Variants in LMNTD1 observed in about 807,000 individuals in gnomAD.
The protein encoded by LMNTD1 is lamin tail domain-containing protein 1.
Under a neutral mutation model 50.9 loss-of-function variants are expected in LMNTD1, and 35 were observed. The ratio of observed to expected loss-of-function variants is 0.69; its 90% CI spans 0.53 to 0.91. The LOEUF (loss-of-function observed/expected upper bound fraction) is 0.91, where lower values mean the gene tolerates loss of function less well. Among genes scored for constraint, LMNTD1 ranks in the 40% least tolerant of loss-of-function variants. LMNTD1 has a pLI of 0.00. For synonymous variants in LMNTD1, 153 were observed against 161.9 expected (o/e 0.94, Z 0.42); for missense variants, 470 against 475.5 (o/e 0.99, Z 0.11).
At chr12:25,613,726 T>G (rs928600161) in intron 1 of LMNTD1, among the ~76,000 whole-genome samples, 2 of 152,138 alleles carry the variant, frequency 1.3e-5, no homozygotes, top group Non-Finnish European at 2.9e-5. Context: ...ATATTTAATA[T>G]CAATAGAATC....
chr12:25,532,405 T>A (rs983280033), intron 4 of LMNTD1, among the ~76,000 whole-genome samples: 10 of 151,888 alleles, frequency 6.6e-5, no homozygotes, highest in African/African-American at 2.2e-4. Context: ...TGACCCTCCA[T>A]TTTTTTTATA....
Position 25,496,071 on chromosome 12 carries a change from T to C in LMNTD1, c.*22+7667A>G, listed in dbSNP as rs74070504. 2.7e-3 allele frequency among the ~76,000 whole-genome samples: 405 copies of C among 152,272 alleles called. 6 individuals carry two copies. Among genetic ancestry groups the C allele is most frequent in the African/African-American group, 9.4e-3 (391 of 41,554 alleles). On this transcript the variant is annotated intron_variant, in intron 9 of 9. Coordinates refer to ENST00000458174, the MANE Select transcript of LMNTD1 (RefSeq NM_001145728.2). The stretch of plus-strand genomic sequence containing the variant: ...CAAAAATAAGGAAAACCCTTTGAGC[T>C]GAAACATGTTTTGGATCCAGGAAAC...
intron 4 of LMNTD1, among the ~76,000 whole-genome samples, chr12:25,528,569 A>G (rs2136103717): frequency 6.6e-6 from 1 of 152,308 alleles, no homozygotes; most frequent in East Asian, 1.9e-4. Flanking sequence ...GCCATCCTTC[A>G]ACAATATCTC....
At chr12:25,526,403 GAA>G (rs1230374599) in intron 5 of LMNTD1, among the ~76,000 whole-genome samples, 185 bp from the exon 6 acceptor site, 1 of 151,676 alleles carries the variant, frequency 6.6e-6, no homozygotes, top group Non-Finnish European at 1.5e-5. Context: ...GAAAAAACGA[GAA>G]AGAGAGGACC....
intron 4 of LMNTD1, among the ~76,000 whole-genome samples, chr12:25,543,023 C>G (rs1943199096): frequency 6.6e-6 from 1 of 151,816 alleles, no homozygotes; most frequent in South Asian, 2.1e-4. Context: ...AATTGGACAA[C>G]TTAGATAAAA....
At chr12:25,617,797 G>C (rs1311545568) in intron 1 of LMNTD1, among the ~76,000 whole-genome samples, 1 of 152,204 alleles carries the variant, frequency 6.6e-6, no homozygotes, top group Non-Finnish European at 1.5e-5. Context: ...TTGATTGATG[G>C]TGTGTGAGGC....
chr12:25,535,593 C>T (rs1336495002), intron 4 of LMNTD1, among the ~76,000 whole-genome samples: 1 of 151,490 alleles, frequency 6.6e-6, no homozygotes, highest in Non-Finnish European at 1.5e-5. Flanking sequence ...GGAGCAAATA[C>T]AAAAATGAAA....
At chr12:25,596,357 A>AT (rs1442443598) in intron 1 of LMNTD1, among the ~76,000 whole-genome samples, 1 of 152,174 alleles carries the variant, frequency 6.6e-6, no homozygotes. Context: ...CCAACAACAT[A>AT]TCAAAAAGAT....
chr12:25,643,473 A>G (rs774077998), intron 1 of LMNTD1, among the ~76,000 whole-genome samples: 14 of 152,240 alleles, frequency 9.2e-5, no homozygotes, highest in Admixed American at 8.5e-4. Context: ...AATAGAATAT[A>G]GGATAAACAA....
intron 9 of LMNTD1, among the ~76,000 whole-genome samples, chr12:25,478,877 A>AGTT (rs1938354814): frequency 6.8e-6 from 1 of 147,452 alleles, no homozygotes; most frequent in African/African-American, 2.5e-5. Flanking sequence ...GCAGGTCATG[A>AGTT]TTTTTTTTTT....
chr12:25,575,609 C>A (rs1003634574), intron 1 of LMNTD1, among the ~76,000 whole-genome samples: 1 of 152,142 alleles, frequency 6.6e-6, no homozygotes, highest in Non-Finnish European at 1.5e-5. Context: ...TAAAAACAAA[C>A]CTCTGCTTCT....
chr12:25,494,394 T>G (rs913782282), intron 9 of LMNTD1, among the ~76,000 whole-genome samples: 18 of 151,480 alleles, frequency 1.2e-4, no homozygotes, highest in Non-Finnish European at 2.7e-4. Flanking sequence ...TCCAAAAGTT[T>G]TACATTTTTT....
chr12:25,528,136 A>T (rs1941946827), intron 4 of LMNTD1, among the ~76,000 whole-genome samples: 2 of 152,146 alleles, frequency 1.3e-5, no homozygotes, highest in African/African-American at 4.8e-5. Context: ...TATAATTCTC[A>T]CAATAACATA....
intron 1 of LMNTD1, among the ~76,000 whole-genome samples, chr12:25,627,969 A>G (rs1430624834): frequency 6.6e-6 from 1 of 151,204 alleles, no homozygotes; most frequent in Non-Finnish European, 1.5e-5. Context: ...TTAGCCGGGC[A>G]TGGTGGCGCG....
chr12:25,480,710 C>T (rs892733152), intron 9 of LMNTD1, among the ~76,000 whole-genome samples: 1 of 152,180 alleles, frequency 6.6e-6, no homozygotes, highest in Non-Finnish European at 1.5e-5. Flanking sequence ...TTATCTGCTT[C>T]TAACAAGGCA....
chr12:25,520,002 C>G lies in LMNTD1; in HGVS notation c.872G>C (p.Arg291Thr), dbSNP rs1941169071. Reference protein sequence around the residue: ...EKLDADVEFNRCSVVSPTFRK... With the variant: ...EKLDADVEFNTCSVVSPTFRK... ...GAATGTTGGAGATACTACTGAACATCTGTTAAATTCAACGTCAGCATCTAA... is the reference window on the plus strand; with the variant it reads ...GAATGTTGGAGATACTACTGAACATGTGTTAAATTCAACGTCAGCATCTAA... The change falls in exon 7 of 10, where the codon AGA (arginine) becomes ACA (threonine). Residue 291 changes from arginine (R) to threonine (T), a missense_variant. By Grantham distance (71) the Arg-to-Thr change is moderately conservative. Coordinates refer to ENST00000458174, the MANE Select transcript of LMNTD1 (RefSeq NM_001145728.2). 1 of 1,613,572 alleles carries G rather than the reference C, an allele frequency of 6.2e-7. No homozygotes were observed. Among genetic ancestry groups the G allele is most frequent in the African/African-American group, 1.3e-5 (1 of 74,824 alleles).
Position 25,619,250 on chromosome 12 carries a change from C to CTATATATA in LMNTD1, c.58+29243_58+29244insTATATATA, listed in dbSNP as rs1185194793. On this transcript the variant is annotated intron_variant, in intron 1 of 7. Transcript: ENST00000445693. ...TCTCTCTCTCTCTCTCTCTCTCTCT[C>CTATATATA]TCTATATATATATATATATATATAT... Among the ~76,000 whole-genome samples the CTATATATA allele has an allele frequency of 1.1e-4, 9 of 79,414 alleles. No individual in the cohort carries two copies. The East Asian group carries it at 2.2e-3, about 19-fold the overall frequency. The allele number at this position is 79,414 out of a possible 152,430, so 52.1% of individuals were successfully genotyped here.
chr12:25,593,293 C>T (rs1270178796), intron 1 of LMNTD1, among the ~76,000 whole-genome samples: 1 of 152,162 alleles, frequency 6.6e-6, no homozygotes, highest in Non-Finnish European at 1.5e-5. Context: ...GCCAAGGACC[C>T]TTACAGAGCA....
intron 7 of LMNTD1, among the ~76,000 whole-genome samples, chr12:25,519,586 T>TTAAAAAAAAAAAAAAAAAAAAA (rs781742784): frequency 2.7e-5 from 2 of 74,956 alleles, no homozygotes; most frequent in Non-Finnish European, 4.6e-5. Context: ...AGACTCTGTC[T>TTAAAAAAAAAAAAAAAAAAAAA]CAAAAAAAAA....
Sources: gnomAD v4.1 joint callset for allele counts (sites outside exome capture counted in the v4.1 genomes callset) on GRCh38, gnomAD v4.1.1 for gene constraint, MANE v1.5 for transcripts, NCBI Gene and HGNC (gene_info 2026-07-23, HGNC 2026-07-21) for gene names.